FAM53B: variants seen among roughly 807,000 people sequenced by gnomAD.
The protein encoded by FAM53B is protein FAM53B.
Under a neutral mutation model 32.7 loss-of-function variants are expected in FAM53B, and 12 were observed. The ratio of observed to expected loss-of-function variants is 0.37; its 90% CI spans 0.24 to 0.59. The LOEUF (loss-of-function observed/expected upper bound fraction) is 0.59. Ranked by LOEUF, FAM53B falls within the 20% of genes least tolerant of loss-of-function variation. The pLI, the probability that FAM53B is intolerant of heterozygous loss-of-function variation, is 0.72. For synonymous variants in FAM53B, 234 were observed against 228.7 expected, an observed-to-expected ratio of 1.02 and a Z score of -0.21; for missense variants, 477 against 577.7, an observed-to-expected ratio of 0.83 and a Z score of 1.79.
chr10:124,676,480 A>G (rs1397565416), intron 4 of FAM53B, among the ~76,000 whole-genome samples: 1 of 152,200 alleles, frequency 6.6e-6, no homozygotes, highest in African/African-American at 2.4e-5. Flanking sequence ...AACTTGGCCA[A>G]GGAAAGGCAC....
At chr10:124,643,092 C>T (rs1213998337) in intron 4 of FAM53B, among the ~76,000 whole-genome samples, 1 of 152,170 alleles carries the variant, frequency 6.6e-6, no homozygotes, top group African/African-American at 2.4e-5. Flanking sequence ...GAAAAGGACA[C>T]ACAAAACACA....
chr10:124,705,030 G>C (rs78352379), intron 2 of FAM53B, among the ~76,000 whole-genome samples: 1 of 152,190 alleles, frequency 6.6e-6, no homozygotes, highest in Non-Finnish European at 1.5e-5. Flanking sequence ...GGCTGCCATC[G>C]AGCAAACACA....
At chr10:124,684,763 C>T (rs980069772) in intron 3 of FAM53B, among the ~76,000 whole-genome samples, 16 of 152,160 alleles carry the variant, frequency 1.1e-4, no homozygotes, top group African/African-American at 3.9e-4. Context: ...AAGTGATCCA[C>T]CCACCTTGGC....
At chr10:124,657,169 TATATGTAC>T (rs1184677731) in intron 4 of FAM53B, among the ~76,000 whole-genome samples, 54 of 17,102 alleles carry the variant, frequency 3.2e-3, no homozygotes, top group East Asian at 0.013. Flanking sequence ...TGTGTATATA[TATATGTAC>T]ATATATATAT....
At chr10:124,699,035 A>G (rs530615832) in intron 2 of FAM53B, among the ~76,000 whole-genome samples, 123 of 152,322 alleles carry the variant, frequency 8.1e-4, no homozygotes, top group African/African-American at 2.7e-3. Flanking sequence ...CAGGCTTTGC[A>G]CTGTTCCTGC....
At chr10:124,722,809 C>T (rs1044478027) in intron 1 of FAM53B, among the ~76,000 whole-genome samples, 5 of 152,146 alleles carry the variant, frequency 3.3e-5, no homozygotes, top group South Asian at 2.1e-4. Context: ...AGGAGGGAGA[C>T]GTGTAGCTGG....
intron 4 of FAM53B, among the ~76,000 whole-genome samples, chr10:124,672,259 A>T (rs148448437): frequency 4.3e-4 from 66 of 152,320 alleles, no homozygotes; most frequent in Middle Eastern, 3.4e-3. Context: ...TCCCACACCC[A>T]TCTCCGTGAT....
chr10:124,671,150 G>A (rs756772245), intron 4 of FAM53B: 85 of 453,470 alleles, frequency 1.9e-4, no homozygotes, highest in Middle Eastern at 6.5e-4. Context: ...CAGCCATGCC[G>A]CGTGACCTGC....
At chr10:124,671,146 T>C (rs1476816381) in intron 4 of FAM53B, 3 of 453,572 alleles carry the variant, frequency 6.6e-6, no homozygotes, top group Non-Finnish European at 1.3e-5. Context: ...CACCCAGCCA[T>C]GCCGCGTGAC....
At chr10:124,675,106 C>T (rs756368522) in intron 4 of FAM53B, among the ~76,000 whole-genome samples, 70 of 152,190 alleles carry the variant, frequency 4.6e-4, no homozygotes, top group Non-Finnish European at 8.5e-4. Context: ...TGGCAACACT[C>T]GGCCCCGATC....
intron 4 of FAM53B, among the ~76,000 whole-genome samples, chr10:124,665,776 C>T (rs1230557384): frequency 3.9e-5 from 6 of 152,242 alleles, no homozygotes; most frequent in Non-Finnish European, 5.9e-5. Flanking sequence ...TCCATTGCTG[C>T]ATCCCTGGTG....
chr10:124,681,477 A>T (rs953801130), intron 4 of FAM53B, 130 bp downstream of exon 4: 7 of 792,954 alleles, frequency 8.8e-6, no homozygotes, highest in Admixed American at 3.0e-5. Flanking sequence ...AATAGGATTT[A>T]AAAAAACAAG....
intron 1 of FAM53B, among the ~76,000 whole-genome samples, chr10:124,741,013 AGC>A (rs1313371329): frequency 6.6e-6 from 1 of 152,230 alleles, no homozygotes; most frequent in African/African-American, 2.4e-5. Flanking sequence ...ACCTCTCCAA[AGC>A]CCTGAGCTCG....
At chr10:124,707,452 A>C (rs1210612041) in intron 1 of FAM53B, among the ~76,000 whole-genome samples, 2 of 152,180 alleles carry the variant, frequency 1.3e-5, no homozygotes, top group African/African-American at 4.8e-5. Context: ...AAAGGCATAC[A>C]TTTGGCCAGG....
chr10:124,701,005 C>CA (rs1266384042), intron 2 of FAM53B, among the ~76,000 whole-genome samples: 1 of 152,208 alleles, frequency 6.6e-6, no homozygotes, highest in Admixed American at 6.5e-5. Context: ...TGAAGACTCT[C>CA]AAAGATGCGG....
chr10:124,624,043 G>A (rs992937854), intron 4 of FAM53B: 9 of 164,840 alleles, frequency 5.5e-5, no homozygotes, highest in African/African-American at 1.4e-4. Flanking sequence ...GCAACATACC[G>A]TTAAATGGAA....
At position 124,685,580 on chromosome 10, in the gene FAM53B, T is replaced by C. The variant is rs1183802391; in HGVS notation, c.134-3201A>G. On this transcript the variant is annotated intron_variant, in intron 3 of 4. Transcript: ENST00000337318. ...GCCGGTGCTCACGGAGCCTGAGACA[T>C]ACTACAGACTGCGTCTCCGCCAGGC... is the stretch of plus-strand genomic sequence containing the variant. 2.6e-5 allele frequency among the ~76,000 whole-genome samples: 4 copies of C among 152,224 alleles called. No homozygotes were observed. The East Asian group carries it at 5.8e-4, about 22-fold the overall frequency.
At chr10:124,718,898 A>C (rs1252202902) in intron 1 of FAM53B, among the ~76,000 whole-genome samples, 5 of 152,186 alleles carry the variant, frequency 3.3e-5, no homozygotes, top group Non-Finnish European at 7.4e-5. Context: ...AAATTTAAAA[A>C]ATAGCCAGGT....
intron 3 of FAM53B, among the ~76,000 whole-genome samples, chr10:124,692,647 G>A (rs755894657): frequency 1.3e-4 from 19 of 147,170 alleles, no homozygotes; most frequent in African/African-American, 3.3e-4. Flanking sequence ...CCCAGGAGGC[G>A]GAGGTTGCCC....
Sources: allele counts gnomAD v4.1 joint callset (sites outside exome capture counted in the v4.1 genomes callset), GRCh38; gene constraint gnomAD v4.1.1; transcripts MANE v1.5; gene names NCBI Gene and HGNC (gene_info 2026-07-23, HGNC 2026-07-21).